MYO6: variants seen among roughly 807,000 people sequenced by gnomAD.
The protein encoded by MYO6 is unconventional myosin-VI.
A neutral mutation model predicts 178.7 loss-of-function variants in MYO6; 74 were observed. The observed-to-expected ratio is 0.41, with a 90% confidence interval of 0.34 to 0.50. The LOEUF (loss-of-function observed/expected upper bound fraction) is 0.50, where lower values mean the gene tolerates loss of function less well. MYO6 is among the 20% of genes least tolerant of loss of function. MYO6 has a pLI of 0.09. For synonymous variants in MYO6, 477 were observed against 504.6 expected, an observed-to-expected ratio of 0.95 and a Z score of 0.73; for missense variants, 1,330 against 1,547.4, an observed-to-expected ratio of 0.86 and a Z score of 2.36.
At chr6:75,833,315 A>T (rs1773317244) in intron 6 of MYO6, among the ~76,000 whole-genome samples, 2 of 152,178 alleles carry the variant, frequency 1.3e-5, no homozygotes, top group South Asian at 4.1e-4. Flanking sequence ...TTTTTCTGGT[A>T]AAAAAATACT....
chr6:75,749,360 CG>C lies in MYO6; in HGVS notation c.-110del, dbSNP rs1384685947. The C allele has an allele frequency of 6.5e-6, 1 of 153,600 alleles. No individual in the cohort carries two copies. The highest frequency in any genetic ancestry group is 1.4e-5 in the Non-Finnish European group (1 of 69,216). The allele number at this position is 153,600 out of a possible 1,614,324, so 9.5% of individuals were successfully genotyped here. A position where few individuals can be genotyped will look rare whatever the true frequency, so the allele number is the denominator to read the frequency against. On this transcript the variant is annotated 5_prime_UTR_variant, in exon 1 of 35. Transcript: ENST00000369977. The stretch of plus-strand genomic sequence containing the variant: ...CACTGGCCCTCATCACTTCTCACCG[CG>C]CCCTCCAGCTTCACCCGTACAGGTA...
intron 27 of MYO6, 115 bp from the exon 28 acceptor site, chr6:75,892,415 T>C: frequency 1.5e-6 from 2 of 1,332,926 alleles, no homozygotes; most frequent in East Asian, 4.6e-5. Context: ...AGCAATTCTT[T>C]AGTAAAGAAC....
intron 15 of MYO6, 99 bp from the exon 16 acceptor site, chr6:75,862,497 T>C: frequency 9.2e-7 from 1 of 1,085,898 alleles, no homozygotes; most frequent in Non-Finnish European, 1.4e-6. Context: ...CTATGTTGTT[T>C]CTGATCAGTC....
chr6:75,914,945 A>G lies in MYO6; in HGVS notation c.3791A>G (p.Asn1264Ser), dbSNP rs367978681. The change falls in exon 35 of 35, where the codon AAT (asparagine) becomes AGT (serine). Residue 1264 changes from asparagine (N) to serine (S), a missense_variant. This residue lies in a region of MYO6 where 601 missense variants were observed against 626.1 expected (regional missense o/e 0.96). Transcript: ENST00000369977. ...ERCGGIQYLQ[N>S]AIESRQARPT... ...TGTGGAGGCATCCAGTACCTTCAGA[A>G]TGCGATTGAGAGCAGACAGGCTCGG... is the stretch of plus-strand genomic sequence containing the variant. 108 of 1,614,024 alleles carry G rather than the reference A, an allele frequency of 6.7e-5. No individual in the cohort carries two copies. Among genetic ancestry groups the G allele is most frequent in the Non-Finnish European group, 8.1e-5 (95 of 1,180,038 alleles).
intron 1 of MYO6, among the ~76,000 whole-genome samples, chr6:75,778,850 A>T (rs1427358616): frequency 1.3e-5 from 2 of 151,832 alleles, no homozygotes; most frequent in Non-Finnish European, 2.9e-5. Context: ...TGAGCCCAGG[A>T]GTTCAGACCA....
At chr6:75,772,515 C>T (rs868757095) in intron 1 of MYO6, among the ~76,000 whole-genome samples, 1 of 152,120 alleles carries the variant, frequency 6.6e-6, no homozygotes, top group African/African-American at 2.4e-5. Context: ...ACTAACCTTA[C>T]TGACAAAAAG....
intron 18 of MYO6, chr6:75,867,346 C>G: frequency 2.6e-6 from 1 of 387,508 alleles, no homozygotes; most frequent in Non-Finnish European, 4.7e-6. Flanking sequence ...GATTGCCTCT[C>G]CTAATGTTCT....
intron 28 of MYO6, 45 bp downstream of exon 28, chr6:75,892,735 T>C (rs941628874): frequency 2.5e-6 from 4 of 1,597,186 alleles, no homozygotes; most frequent in Non-Finnish European, 3.4e-6. Flanking sequence ...TCCTTTGCTT[T>C]CTCTACCTCT....
chr6:75,840,519 T>C, intron 7 of MYO6, 66 bp from the exon 8 acceptor site: 1 of 1,014,226 alleles, frequency 9.9e-7, no homozygotes, highest in Non-Finnish European at 1.6e-6. Flanking sequence ...AATGGAGATA[T>C]ACCATGCATA....
intron 1 of MYO6, among the ~76,000 whole-genome samples, chr6:75,776,603 T>A (rs1766406546): frequency 6.6e-6 from 1 of 152,120 alleles, no homozygotes; most frequent in African/African-American, 2.4e-5. Flanking sequence ...TTGGTGTGTA[T>A]ATGTCTGTCT....
chr6:75,785,711 C>G (rs1294600492), intron 1 of MYO6, among the ~76,000 whole-genome samples: 1 of 151,248 alleles, frequency 6.6e-6, no homozygotes, highest in African/African-American at 2.4e-5. Context: ...TTATTGTTTG[C>G]TTTTCACATA....
At position 75,869,354 on chromosome 6, in the gene MYO6, T is replaced by G. The variant is rs139036265; in HGVS notation, c.1945-1293T>G. Reference sequence around the variant, plus strand: ...AGTATCACTCACAGGAGAATGAAATTTGGTGTCAGGCCGATGTTGGAATCA... The same window carrying G: ...AGTATCACTCACAGGAGAATGAAATGTGGTGTCAGGCCGATGTTGGAATCA... On this transcript the variant is annotated intron_variant, in intron 18 of 34. Coordinates refer to ENST00000369977, the MANE Select transcript of MYO6 (RefSeq NM_004999.4). Among the ~76,000 whole-genome samples, 294 of 152,188 alleles carry G rather than the reference T, an allele frequency of 1.9e-3. 2 individuals are homozygous for G. Among genetic ancestry groups the G allele is most frequent in the African/African-American group, 6.5e-3 (271 of 41,544 alleles).
At chr6:75,756,993 C>A (rs1412511218) in intron 1 of MYO6, among the ~76,000 whole-genome samples, 2 of 126,414 alleles carry the variant, frequency 1.6e-5, no homozygotes, top group African/African-American at 3.0e-5. Context: ...TATATGTATA[C>A]ACACATATAT....
intron 29 of MYO6, among the ~76,000 whole-genome samples, chr6:75,898,012 A>G (rs1779438006): frequency 6.6e-6 from 1 of 152,242 alleles, no homozygotes; most frequent in East Asian, 1.9e-4. Flanking sequence ...ACTCTGGTGC[A>G]AAAATCCTCA....
intron 25 of MYO6, among the ~76,000 whole-genome samples, chr6:75,887,364 C>T (rs1778517305): frequency 6.6e-6 from 1 of 152,162 alleles, no homozygotes; most frequent in Admixed American, 6.5e-5. Context: ...AAGTTGGAGG[C>T]CATACATGGT....
At chr6:75,818,072 A>G in intron 2 of MYO6, among the ~76,000 whole-genome samples, 1 of 152,196 alleles carries the variant, frequency 6.6e-6, no homozygotes, top group Non-Finnish European at 1.5e-5. Flanking sequence ...GAATGTGGAG[A>G]TATCAGATTT....
intron 1 of MYO6, among the ~76,000 whole-genome samples, chr6:75,798,632 G>C (rs1169369034): frequency 6.6e-6 from 1 of 152,112 alleles, no homozygotes. Flanking sequence ...AAAATAATGA[G>C]TTGTCTATGA....
chr6:75,901,449 A>C (rs978487455), intron 30 of MYO6, among the ~76,000 whole-genome samples: 7 of 152,096 alleles, frequency 4.6e-5, no homozygotes, highest in South Asian at 2.1e-4. Flanking sequence ...CATCCCTTGT[A>C]AGTTGGATTC....
intron 23 of MYO6, among the ~76,000 whole-genome samples, chr6:75,882,083 CG>C (rs1367535632): frequency 6.6e-6 from 1 of 152,062 alleles, no homozygotes; most frequent in Admixed American, 6.5e-5. Context: ...CTCTCGTCCC[CG>C]CACCCCTCAC....
Sources: gnomAD v4.1 joint callset for allele counts (sites outside exome capture counted in the v4.1 genomes callset) on GRCh38, gnomAD v4.1.1 for gene constraint, gnomAD v4.1.1 regional missense constraint, MANE v1.5 for transcripts, NCBI Gene and HGNC (gene_info 2026-07-23, HGNC 2026-07-21) for gene names.